Variants in ITSN1 observed in about 807,000 individuals in gnomAD.
The protein encoded by ITSN1 is intersectin 1, also known as intersectin-1.
Under a neutral mutation model 239.8 loss-of-function variants are expected in ITSN1, and 58 were observed. The ratio of observed to expected loss-of-function variants is 0.24; its 90% CI spans 0.20 to 0.30. ITSN1 has a LOEUF of 0.30. Ranked by LOEUF, ITSN1 falls within the 10% of genes least tolerant of loss-of-function variation. The pLI is 1.00. For missense variants in ITSN1, 1,558 were observed against 2,103.3 expected (o/e 0.74, Z 5.07); for synonymous variants, 780 against 770.8 (o/e 1.01, Z -0.20).
intron 3 of ITSN1, among the ~76,000 whole-genome samples, chr21:33,721,742 C>T (rs1334762100): frequency 6.7e-6 from 1 of 149,924 alleles, no homozygotes; most frequent in South Asian, 2.2e-4. Context: ...TGCAGTGAGC[C>T]GAGATCACGC....
At chr21:33,845,981 C>G (rs1244102106) in intron 29 of ITSN1, among the ~76,000 whole-genome samples, 2 of 152,176 alleles carry the variant, frequency 1.3e-5, no homozygotes, top group African/African-American at 4.8e-5. Flanking sequence ...GCAGTGTGGG[C>G]AAGGAGCCTC....
chr21:33,758,334 C>T (rs1474691088), intron 8 of ITSN1, among the ~76,000 whole-genome samples: 2 of 152,164 alleles, frequency 1.3e-5, no homozygotes, highest in African/African-American at 2.4e-5. Context: ...AGGCTGGTCT[C>T]GAACTCCTGA....
intron 25 of ITSN1, among the ~76,000 whole-genome samples, chr21:33,824,479 TTTTC>T (rs1407314294): frequency 6.6e-6 from 1 of 152,146 alleles, no homozygotes; most frequent in Non-Finnish European, 1.5e-5. Context: ...TTCACAGTTA[TTTTC>T]TTTTTCTCCT....
At chr21:33,677,600 A>T (rs113111554) in intron 1 of ITSN1, among the ~76,000 whole-genome samples, 1 of 152,070 alleles carries the variant, frequency 6.6e-6, no homozygotes, top group Non-Finnish European at 1.5e-5. Context: ...TAGGCCTCCC[A>T]AAGTGCTGGG....
chr21:33,706,600 T>G (rs1234292247), intron 1 of ITSN1, among the ~76,000 whole-genome samples: 2 of 152,218 alleles, frequency 1.3e-5, no homozygotes. Flanking sequence ...AGAAAACCTT[T>G]TTTAAAAAGA....
In ITSN1 at chr21:33,751,315, C is replaced by T. The variant is rs117060998; in HGVS notation, c.527-495C>T. Among the ~76,000 whole-genome samples, 536 of 152,260 alleles carry T rather than the reference C, an allele frequency of 3.5e-3. 3 individuals are homozygous for T. Among genetic ancestry groups the T allele is most frequent in the Middle Eastern group, 6.8e-3 (2 of 294 alleles). The stretch of plus-strand genomic sequence containing the variant: ...CAAGAGTGAGGGAATGTGGCTAAGA[C>T]GCAGTGTTTTTTTTCTGACACTCAA... On this transcript the variant is annotated intron_variant, in intron 6 of 39. Transcript: ENST00000381318.
chr21:33,669,847 A>G (rs890339262), intron 1 of ITSN1, among the ~76,000 whole-genome samples: 2 of 151,952 alleles, frequency 1.3e-5, no homozygotes, highest in Non-Finnish European at 2.9e-5. Flanking sequence ...GAGTGGCTTC[A>G]TCATTTGTTC....
chr21:33,719,420 G>A (rs958791402), intron 2 of ITSN1, among the ~76,000 whole-genome samples: 1 of 152,130 alleles, frequency 6.6e-6, no homozygotes, highest in Non-Finnish European at 1.5e-5. Context: ...CAGCCTGGGC[G>A]ACAGAGCAAG....
intron 14 of ITSN1, among the ~76,000 whole-genome samples, chr21:33,776,952 A>G (rs891428176): frequency 3.6e-4 from 55 of 151,868 alleles, no homozygotes; most frequent in African/African-American, 1.3e-3. Context: ...TTTGGTGTTC[A>G]TGCTTTTTAT....
chr21:33,794,541 C>A, intron 17 of ITSN1, 73 bp downstream of exon 17: 23 of 1,534,882 alleles, frequency 1.5e-5, no homozygotes, highest in Non-Finnish European at 2.0e-5. Flanking sequence ...TTGGCTTCTC[C>A]AAGTAGTTAC....
At chr21:33,883,516 C>G (rs1199589353) in intron 35 of ITSN1, 34 bp from the exon 36 acceptor site, 2 of 1,609,362 alleles carry the variant, frequency 1.2e-6, no homozygotes, top group African/African-American at 1.3e-5. Flanking sequence ...AGACCCCCAG[C>G]CTCGCTTTGT....
chr21:33,718,571 G>T (rs2065301158), intron 1 of ITSN1, among the ~76,000 whole-genome samples: 1 of 152,258 alleles, frequency 6.6e-6, no homozygotes, highest in African/African-American at 2.4e-5. Context: ...AGGATCCACG[G>T]ATTTTTTTTT....
At chr21:33,844,536 C>G (rs1393579926) in intron 29 of ITSN1, among the ~76,000 whole-genome samples, 2 of 152,152 alleles carry the variant, frequency 1.3e-5, no homozygotes, top group African/African-American at 2.4e-5. Context: ...AAGCAATCAT[C>G]CAGCTTAGAT....
chr21:33,825,061 T>C (rs887900435), intron 25 of ITSN1, among the ~76,000 whole-genome samples: 9 of 152,220 alleles, frequency 5.9e-5, no homozygotes, highest in African/African-American at 2.2e-4. Context: ...TCTACTACCG[T>C]GCATGAAAAC....
At chr21:33,693,021 T>C (rs1347503412) in intron 1 of ITSN1, among the ~76,000 whole-genome samples, 2 of 152,270 alleles carry the variant, frequency 1.3e-5, no homozygotes, top group Non-Finnish European at 2.9e-5. Context: ...GGTCTTGAAC[T>C]CCTGACCTCA....
intron 1 of ITSN1, among the ~76,000 whole-genome samples, chr21:33,707,125 G>A (rs546511093): frequency 6.6e-6 from 1 of 152,254 alleles, no homozygotes; most frequent in Admixed American, 6.5e-5. Context: ...GGAGAGATGT[G>A]AATTCCATCA....
chr21:33,683,984 AG>A (rs1474590301), intron 1 of ITSN1, among the ~76,000 whole-genome samples: 1 of 152,202 alleles, frequency 6.6e-6, no homozygotes, highest in Admixed American at 6.5e-5. Context: ...AAGAGAGGAA[AG>A]GGGGAAAAAA....
chr21:33,778,877 C>G (rs1013608868), intron 14 of ITSN1, among the ~76,000 whole-genome samples: 3 of 141,430 alleles, frequency 2.1e-5, no homozygotes, highest in African/African-American at 9.6e-5. Context: ...CGCGCCCGGC[C>G]TATAATATTC....
At chr21:33,705,113 A>G in intron 1 of ITSN1, among the ~76,000 whole-genome samples, 1 of 145,830 alleles carries the variant, frequency 6.9e-6, no homozygotes, top group South Asian at 2.1e-4. Context: ...TCCGTCTCAA[A>G]AAAAAAAAAA....
Sources: allele counts gnomAD v4.1 joint callset (sites outside exome capture counted in the v4.1 genomes callset), GRCh38; gene constraint gnomAD v4.1.1; transcripts MANE v1.5; gene names NCBI Gene and HGNC (gene_info 2026-07-23, HGNC 2026-07-21).